The following ZNF536 variants were observed in gnomAD, a reference collection of about 807,000 sequenced individuals.
The protein encoded by ZNF536 is zinc finger protein 536.
A neutral mutation model predicts 84.5 loss-of-function variants in ZNF536; 13 were observed. That is an observed-to-expected ratio of 0.15 (90% confidence interval 0.10 to 0.24). The LOEUF is 0.24. Among genes scored for constraint, ZNF536 ranks in the 10% least tolerant of loss-of-function variants. The pLI, the probability that ZNF536 is intolerant of heterozygous loss-of-function variation, is 1.00. For missense variants in ZNF536, 1,536 were observed against 1,747.5 expected (o/e 0.88, Z 2.16); for synonymous variants, 811 against 742.5 (o/e 1.09, Z -1.50).
rs201961370 is a variant in ZNF536 at position 30,608,107 on chromosome 19, A to G, written c.169+58593A>G. ...GCAATTGTATTTATACAATAAATTC[A>G]TTGAAGAGAAATTGCAATTGATTTT... On this transcript the variant is annotated intron_variant, in intron 1 of 1. Transcript: ENST00000592773. Among the ~76,000 whole-genome samples the G allele has an allele frequency of 7.2e-5, 11 of 152,356 alleles. No individual in the cohort carries two copies. The East Asian group carries it at 2.1e-3, about 29-fold the overall frequency.
At chr19:30,401,247 G>A (rs1048568308) in intron 1 of ZNF536, among the ~76,000 whole-genome samples, 4 of 151,740 alleles carry the variant, frequency 2.6e-5, no homozygotes, top group Non-Finnish European at 5.9e-5. Context: ...TTTCTTTTAC[G>A]AGATGGAGTC....
At chr19:30,375,770 T>C (rs2048794201) in intron 1 of ZNF536, among the ~76,000 whole-genome samples, 1 of 152,058 alleles carries the variant, frequency 6.6e-6, no homozygotes. Context: ...TTGCACCTCG[T>C]GTGCCTGTGT....
chr19:30,446,271 AAAAGAAAGAAAGAAAG>A (rs1295737805), intron 2 of ZNF536, among the ~76,000 whole-genome samples: 1 of 147,160 alleles, frequency 6.8e-6, no homozygotes, highest in South Asian at 2.1e-4. Flanking sequence ...AAAAAAAAAA[AAAAGAAAGAAAGAAAG>A]AAAGAAAAAA....
At chr19:30,567,554 C>A (rs546559533) in intron 1 of ZNF536, among the ~76,000 whole-genome samples, 1 of 152,316 alleles carries the variant, frequency 6.6e-6, no homozygotes, top group African/African-American at 2.4e-5. Context: ...CCCTCCTTCC[C>A]CCGCAGCGAG....
chr19:30,270,572 G>T (rs1046648377), intron 1 of ZNF536, among the ~76,000 whole-genome samples: 11 of 152,190 alleles, frequency 7.2e-5, no homozygotes, highest in Non-Finnish European at 1.5e-5. Context: ...CCGTAAACAG[G>T]TGCACCCATT....
chr19:30,638,142 A>G (rs2147304721), intron 1 of ZNF536, among the ~76,000 whole-genome samples: 1 of 152,270 alleles, frequency 6.6e-6, no homozygotes, highest in East Asian at 1.9e-4. Context: ...GGGAAACACT[A>G]AGGTCAAACT....
At chr19:30,411,021 T>C (rs1193626870) in intron 1 of ZNF536, among the ~76,000 whole-genome samples, 1 of 152,208 alleles carries the variant, frequency 6.6e-6, no homozygotes, top group African/African-American at 2.4e-5. Flanking sequence ...TTCCATGATA[T>C]GGATGTACCA....
At chr19:30,482,997 T>G (rs972932992) in intron 2 of ZNF536, among the ~76,000 whole-genome samples, 2 of 152,178 alleles carry the variant, frequency 1.3e-5, no homozygotes, top group African/African-American at 2.4e-5. Flanking sequence ...CTTCACCATT[T>G]CTGTTAGGTC....
At chr19:30,613,108 G>C (rs149180899) in intron 1 of ZNF536, among the ~76,000 whole-genome samples, 10 of 152,164 alleles carry the variant, frequency 6.6e-5, no homozygotes, top group Non-Finnish European at 1.2e-4. Context: ...CTGATGTCAC[G>C]TCCTCAGTGC....
In ZNF536 at chr19:30,387,680, A is replaced by G. The variant is rs538650121; in HGVS notation, c.-3+15124A>G. On this transcript the variant is annotated intron_variant, in intron 1 of 4. Coordinates refer to ENST00000355537, the MANE Select transcript of ZNF536 (RefSeq NM_014717.3). ...CATTTGTTGCTTAATCCCTGTTTGC[A>G]GAGAGGCTGCAGACACTAATGGCTG... is the stretch of plus-strand genomic sequence containing the variant. Among the ~76,000 whole-genome samples the G allele has an allele frequency of 2.5e-4, 38 of 152,342 alleles. No homozygotes were observed. The East Asian group carries it at 6.9e-3, about 28-fold the overall frequency.
At chr19:30,542,872 T>G (rs1320991287) in intron 3 of ZNF536, among the ~76,000 whole-genome samples, 1 of 152,216 alleles carries the variant, frequency 6.6e-6, no homozygotes, top group African/African-American at 2.4e-5. Context: ...TGTGCAGTGG[T>G]GCAATCATAG....
chr19:30,621,790 C>G (rs560949089), intron 1 of ZNF536, among the ~76,000 whole-genome samples: 1 of 152,374 alleles, frequency 6.6e-6, no homozygotes, highest in South Asian at 2.1e-4. Flanking sequence ...AGCTCTGCAG[C>G]TGCTTAGAGG....
At chr19:30,459,704 G>A (rs2053044227) in intron 2 of ZNF536, among the ~76,000 whole-genome samples, 2 of 152,058 alleles carry the variant, frequency 1.3e-5, no homozygotes, top group Admixed American at 1.3e-4. Flanking sequence ...TCACTGGTTT[G>A]TGTCATTGAA....
chr19:30,655,724 T>C (rs2049885547), intron 1 of ZNF536, among the ~76,000 whole-genome samples: 1 of 152,214 alleles, frequency 6.6e-6, no homozygotes, highest in Admixed American at 6.5e-5. Context: ...CTCTTTAGTG[T>C]CTTTTCCTCT....
At chr19:30,419,422 C>A (rs766467016) in intron 1 of ZNF536, among the ~76,000 whole-genome samples, 1 of 152,116 alleles carries the variant, frequency 6.6e-6, no homozygotes, top group Non-Finnish European at 1.5e-5. Context: ...TCTATAATGC[C>A]AAACTGCTTT....
chr19:30,625,264 T>C (rs913384591), intron 1 of ZNF536, among the ~76,000 whole-genome samples: 1 of 151,996 alleles, frequency 6.6e-6, no homozygotes, highest in Non-Finnish European at 1.5e-5. Flanking sequence ...CACCCCCCAA[T>C]CAGGGAGTCA....
chr19:30,388,211 A>G (rs1253489361), intron 1 of ZNF536, among the ~76,000 whole-genome samples: 4 of 152,198 alleles, frequency 2.6e-5, no homozygotes, highest in Non-Finnish European at 4.4e-5. Flanking sequence ...CTGAGTTAAG[A>G]TAAAGAAGAC....
intron 1 of ZNF536, among the ~76,000 whole-genome samples, chr19:30,433,170 C>G (rs1198904635): frequency 6.6e-6 from 1 of 152,204 alleles, no homozygotes; most frequent in Non-Finnish European, 1.5e-5. Context: ...TACTTCTCCT[C>G]TCTACCTGGT....
chr19:30,488,362 G>A (rs922542341), intron 2 of ZNF536, among the ~76,000 whole-genome samples: 1 of 152,018 alleles, frequency 6.6e-6, no homozygotes, highest in Non-Finnish European at 1.5e-5. Flanking sequence ...CTGGCTTCGG[G>A]AAGTGCCCGT....
Sources: gnomAD v4.1 joint callset for allele counts (sites outside exome capture counted in the v4.1 genomes callset) on GRCh38, gnomAD v4.1.1 for gene constraint, MANE v1.5 for transcripts, NCBI Gene and HGNC (gene_info 2026-07-23, HGNC 2026-07-21) for gene names.